The following ITGA8 variants were observed in gnomAD, a reference collection of about 807,000 sequenced individuals.
The protein encoded by ITGA8 is integrin subunit alpha 8.
Under a neutral mutation model 142.3 loss-of-function variants are expected in ITGA8, and 91 were observed. That is an observed-to-expected ratio of 0.64 (90% CI 0.54 to 0.76). The LOEUF (loss-of-function observed/expected upper bound fraction) is 0.76. ITGA8 is among the 30% of genes least tolerant of loss of function. The pLI, the probability that ITGA8 is intolerant of heterozygous loss-of-function variation, is 0.00. For missense variants in ITGA8, 1,406 were observed against 1,327.7 expected (o/e 1.06, Z -0.92); for synonymous variants, 505 against 485.2 (o/e 1.04, Z -0.54).
chr10:15,565,746 C>T (rs141807647), intron 25 of ITGA8, among the ~76,000 whole-genome samples: 1,854 of 151,718 alleles, frequency 0.012, 35 homozygotes, highest in African/African-American at 0.042. Flanking sequence ...CCCACCACCA[C>T]GCCCAGCTAA....
chr10:15,719,630 CTG>C lies in ITGA8; in HGVS notation c.140_141del (p.Thr47SerfsTer65), dbSNP rs749332809. 1.3e-6 allele frequency: 2 copies of C among 1,542,370 alleles called. No homozygotes were observed. ...QAFNLDVEKL[T>X]VYSGPKGSYF... ...TAGCTGCCCTTGGGGCCGCTGTACACTGTGAGCTTTTCCACGTCCAGGTTGAA... is the reference window on the plus strand; with the variant it reads ...TAGCTGCCCTTGGGGCCGCTGTACACTGAGCTTTTCCACGTCCAGGTTGAA... On this transcript the variant is annotated frameshift_variant, in exon 1 of 30. Transcript: ENST00000378076. LOFTEE classifies it high-confidence loss of function.
At chr10:15,677,020 CAG>C (rs1207527143) in intron 6 of ITGA8, among the ~76,000 whole-genome samples, 1 of 152,152 alleles carries the variant, frequency 6.6e-6, no homozygotes, top group African/African-American at 2.4e-5. Context: ...AGAAAAAAAA[CAG>C]AAAACAAATG....
chr10:15,568,205 C>T (rs1263077979), intron 25 of ITGA8, among the ~76,000 whole-genome samples: 6 of 152,240 alleles, frequency 3.9e-5, no homozygotes, highest in African/African-American at 9.6e-5. Flanking sequence ...ATCATAGGCA[C>T]GAGCCATGCT....
At chr10:15,607,998 T>TA (rs1313897543) in intron 16 of ITGA8, among the ~76,000 whole-genome samples, 167 bp from the exon 17 acceptor site, 1 of 152,180 alleles carries the variant, frequency 6.6e-6, no homozygotes, top group Non-Finnish European at 1.5e-5. Flanking sequence ...CTCTCCAAGC[T>TA]ACAAATGTTT....
At chr10:15,561,980 T>C (rs1474124413) in intron 25 of ITGA8, among the ~76,000 whole-genome samples, 1 of 152,094 alleles carries the variant, frequency 6.6e-6, no homozygotes, top group African/African-American at 2.4e-5. Flanking sequence ...GGAGAGGAAA[T>C]ACCAGACACT....
In ITGA8 at chr10:15,597,289, G is replaced by T. The variant is rs1286179635; in HGVS notation, c.2129C>A (p.Pro710Gln). ...TTCCATCTTGTACTCACAGCTCAGT[G>T]GTCGAAATCCCTACAATTGCAAAGA... ...GIERNNKGFR[P>Q]LSCEYKMENV... Residue 710 changes from proline (P) to glutamine (Q), a missense_variant, in exon 21 of 30, where the codon CCA becomes CAA. Transcript: ENST00000378076. 1 of 1,613,762 alleles carries T rather than the reference G, an allele frequency of 6.2e-7. No individual in the cohort carries two copies. Among genetic ancestry groups the T allele is most frequent in the Non-Finnish European group, 8.5e-7 (1 of 1,179,734 alleles).
At chr10:15,600,165 G>T (rs1006146804) in intron 20 of ITGA8, among the ~76,000 whole-genome samples, 1 of 152,030 alleles carries the variant, frequency 6.6e-6, no homozygotes, top group Admixed American at 6.6e-5. Context: ...CAACGTGCAG[G>T]TTTGTTACAT....
chr10:15,558,880 T>C (rs1833928434), intron 25 of ITGA8, among the ~76,000 whole-genome samples: 1 of 152,190 alleles, frequency 6.6e-6, no homozygotes, highest in African/African-American at 2.4e-5. Flanking sequence ...GATAAATATT[T>C]TGAGAATTCC....
intron 6 of ITGA8, among the ~76,000 whole-genome samples, chr10:15,672,987 A>G (rs1588714507): frequency 6.6e-6 from 1 of 152,344 alleles, no homozygotes; most frequent in East Asian, 1.9e-4. Flanking sequence ...TGCTTTTAAC[A>G]TACACACTCC....
chr10:15,673,935 A>C (rs1329353804), intron 6 of ITGA8, among the ~76,000 whole-genome samples: 1 of 148,814 alleles, frequency 6.7e-6, no homozygotes, highest in Non-Finnish European at 1.5e-5. Flanking sequence ...TCCCATGTTT[A>C]CCATGGACAT....
intron 22 of ITGA8, among the ~76,000 whole-genome samples, chr10:15,587,892 G>A (rs984854549): frequency 6.6e-6 from 1 of 152,160 alleles, no homozygotes; most frequent in Non-Finnish European, 1.5e-5. Context: ...ACTTCACAAA[G>A]AGGCTCAACC....
chr10:15,661,678 A>C (rs1588705717), intron 8 of ITGA8, among the ~76,000 whole-genome samples: 1 of 152,148 alleles, frequency 6.6e-6, no homozygotes, highest in Non-Finnish European at 1.5e-5. Flanking sequence ...CTAGTATAAA[A>C]ATTACAGTTC....
At chr10:15,535,943 C>G (rs141837858) in intron 27 of ITGA8, among the ~76,000 whole-genome samples, 42 of 152,160 alleles carry the variant, frequency 2.8e-4, no homozygotes, top group African/African-American at 9.4e-4. Context: ...ACCACAAACC[C>G]ACCGGGAGGA....
At chr10:15,600,468 A>G (rs959237679) in intron 20 of ITGA8, among the ~76,000 whole-genome samples, 6 of 152,210 alleles carry the variant, frequency 3.9e-5, no homozygotes, top group Non-Finnish European at 7.3e-5. Context: ...GTGTGTTGGG[A>G]GGAGAAACGG....
intron 15 of ITGA8, 59 bp downstream of exon 15, chr10:15,613,601 C>A: frequency 8.4e-7 from 1 of 1,183,466 alleles, no homozygotes. Flanking sequence ...GTATTTTTCA[C>A]AAGATACCCA....
intron 25 of ITGA8, among the ~76,000 whole-genome samples, chr10:15,562,315 G>A (rs187267587): frequency 3.9e-4 from 59 of 152,328 alleles, no homozygotes; most frequent in Admixed American, 6.5e-4. Context: ...CGAAGCTGGC[G>A]GCTCCGTGAA....
chr10:15,683,765 C>T (rs1204665862), intron 4 of ITGA8, among the ~76,000 whole-genome samples: 1 of 152,240 alleles, frequency 6.6e-6, no homozygotes, highest in Non-Finnish European at 1.5e-5. Context: ...CCAATCAATT[C>T]TGCAAAATAT....
Position 15,671,618 on chromosome 10 carries a change from C to T in ITGA8, c.832G>A (p.Gly278Arg), listed in dbSNP as rs1323997324. 1.2e-6 allele frequency: 2 copies of T among 1,612,850 alleles called. No homozygotes were observed. The highest frequency in any genetic ancestry group is 2.2e-5 in the East Asian group (1 of 44,828). ...GYSVAAGEFT[G>R]DSQQELVAGI... ...TGCCTCTCACCTTGCTGAGAATCCC[C>T]AGTAAACTCCCCAGCAGCAACTGAG... Residue 278 changes from glycine to arginine, a missense_variant, in exon 8 of 30, where the codon GGG becomes AGG. Transcript: ENST00000378076.
chr10:15,696,643 C>T (rs918969352), intron 2 of ITGA8, among the ~76,000 whole-genome samples: 7 of 152,122 alleles, frequency 4.6e-5, no homozygotes, highest in Non-Finnish European at 1.0e-4. Flanking sequence ...TTTGGCACCA[C>T]ATATCCTAAT....
Sources: gnomAD v4.1 joint callset for allele counts (sites outside exome capture counted in the v4.1 genomes callset) on GRCh38, gnomAD v4.1.1 for gene constraint, MANE v1.5 for transcripts, NCBI Gene and HGNC (gene_info 2026-07-23, HGNC 2026-07-21) for gene names.